Variants in PREX2 observed in about 807,000 individuals in gnomAD.
The protein encoded by PREX2 is phosphatidylinositol 3,4,5-trisphosphate-dependent Rac exchanger 2 protein.
PREX2 carries 107 observed loss-of-function variants against 203.2 expected under a neutral mutation model. The observed-to-expected ratio is 0.53, with a 90% CI of 0.45 to 0.62. The LOEUF (loss-of-function observed/expected upper bound fraction) is 0.62. Among genes scored for constraint, PREX2 ranks in the 20% least tolerant of loss-of-function variants. PREX2 has a pLI of 0.00. For missense variants in PREX2, 1,777 were observed against 1,955.9 expected (o/e 0.91, Z 1.72); for synonymous variants, 672 against 663.6 (o/e 1.01, Z -0.19).
At chr8:68,087,894 G>T in intron 19 of PREX2, 85 bp downstream of exon 19, 1 of 850,544 alleles carries the variant, frequency 1.2e-6, no homozygotes, top group East Asian at 2.4e-5. Flanking sequence ...AAAATAGGCA[G>T]AACCATGCTG....
rs74369002 is a variant in PREX2 at position 68,199,560 on chromosome 8, A to C, written c.4604+7035A>C. Among the ~76,000 whole-genome samples, 2,164 of 152,332 alleles carry C rather than the reference A, an allele frequency of 0.014. 119 individuals are homozygous for C. The East Asian group carries it at 0.19, about 13-fold the overall frequency. ...TTATAAGCCTTTGTTAAAAAAGTGA[A>C]ATTTATAAGGGAAAATATAAAAACA... On this transcript the variant is annotated intron_variant, in intron 37 of 39. Coordinates refer to ENST00000288368, the MANE Select transcript of PREX2 (RefSeq NM_024870.4).
chr8:68,030,039 G>A (rs1807836335), intron 5 of PREX2, among the ~76,000 whole-genome samples: 1 of 151,914 alleles, frequency 6.6e-6, no homozygotes, highest in African/African-American at 2.4e-5. Context: ...CTTTGTTTAT[G>A]ACATAGTTTT....
At chr8:68,048,577 T>A (rs1423429527) in intron 8 of PREX2, among the ~76,000 whole-genome samples, 1 of 151,846 alleles carries the variant, frequency 6.6e-6, no homozygotes, top group East Asian at 1.9e-4. Flanking sequence ...ATATGTTGAA[T>A]ACATTTTTTT....
intron 35 of PREX2, among the ~76,000 whole-genome samples, chr8:68,179,134 G>A (rs1812037151): frequency 6.6e-6 from 1 of 152,006 alleles, no homozygotes; most frequent in Admixed American, 6.6e-5. Context: ...TCTCTCCTCT[G>A]GTGAATAAGA....
intron 6 of PREX2, among the ~76,000 whole-genome samples, chr8:68,034,424 A>C (rs539473547): frequency 3.3e-5 from 5 of 152,138 alleles, no homozygotes; most frequent in Non-Finnish European, 5.9e-5. Context: ...AGCTATACTG[A>C]AGTATTTTGA....
At chr8:68,200,050 G>A (rs1281255701) in intron 37 of PREX2, among the ~76,000 whole-genome samples, 1 of 152,090 alleles carries the variant, frequency 6.6e-6, no homozygotes, top group African/African-American at 2.4e-5. Context: ...GCTTTCAAAT[G>A]TATTTATTTA....
intron 35 of PREX2, among the ~76,000 whole-genome samples, chr8:68,188,442 G>C (rs1812232773): frequency 6.6e-6 from 1 of 152,192 alleles, no homozygotes; most frequent in Admixed American, 6.5e-5. Context: ...ATTTTCCCCA[G>C]AAGATTTAAT....
intron 23 of PREX2, chr8:68,100,195 C>T (rs1410638448): frequency 8.6e-6 from 4 of 463,220 alleles, no homozygotes; most frequent in Non-Finnish European, 1.7e-5. Context: ...TCTTTTCTCC[C>T]AACTAAGAGA....
chr8:68,000,924 C>A (rs150111996), intron 1 of PREX2, among the ~76,000 whole-genome samples: 491 of 152,308 alleles, frequency 3.2e-3, no homozygotes, highest in Middle Eastern at 0.014. Flanking sequence ...TAGATCCCTT[C>A]CTTACACCAT....
intron 35 of PREX2, among the ~76,000 whole-genome samples, chr8:68,185,152 T>G (rs561214135): frequency 1.8e-4 from 27 of 152,320 alleles, no homozygotes; most frequent in African/African-American, 6.3e-4. Flanking sequence ...TCAATTTTCA[T>G]ATTTGATGAG....
chr8:68,071,442 C>T (rs1220221123), intron 13 of PREX2, among the ~76,000 whole-genome samples: 1 of 152,136 alleles, frequency 6.6e-6, no homozygotes, highest in Non-Finnish European at 1.5e-5. Context: ...GTGTCAGAAA[C>T]ATGGAGATAG....
At chr8:67,967,262 G>T (rs1437713374) in intron 1 of PREX2, among the ~76,000 whole-genome samples, 1 of 152,116 alleles carries the variant, frequency 6.6e-6, no homozygotes, top group Non-Finnish European at 1.5e-5. Context: ...AAAGTTAATA[G>T]AACAGATTAG....
In PREX2 at chr8:68,233,615, C is replaced by G. The variant is rs930870827; in HGVS notation, c.*2237C>G. On this transcript the variant is annotated 3_prime_UTR_variant, in exon 40 of 40. Transcript: ENST00000288368. ...GCTAACACTTATTAAGGGATTACTA[C>G]ATGCCCAGTAATACCTCCAAATGCT... 2 of 152,204 alleles carry G rather than the reference C, an allele frequency of 1.3e-5. No individual in the cohort carries two copies. The highest frequency in any genetic ancestry group is 4.8e-5 in the African/African-American group (2 of 41,456). The allele number at this position is 152,204 out of a possible 1,614,324, so 9.4% of individuals were successfully genotyped here. A position where few individuals can be genotyped will look rare whatever the true frequency, so the allele number is the denominator to read the frequency against.
intron 35 of PREX2, among the ~76,000 whole-genome samples, chr8:68,171,811 CAA>C (rs1304621690): frequency 6.6e-6 from 1 of 151,882 alleles, no homozygotes; most frequent in African/African-American, 2.4e-5. Flanking sequence ...AGAGCAAGAA[CAA>C]GAGAGAGAGA....
intron 20 of PREX2, among the ~76,000 whole-genome samples, chr8:68,092,139 G>C (rs12549798): frequency 6.6e-6 from 1 of 151,794 alleles, no homozygotes; most frequent in South Asian, 2.1e-4. Context: ...CTCTAACGGG[G>C]TTTTCTTTTC....
chr8:68,214,742 C>A (rs1268206820), intron 37 of PREX2, among the ~76,000 whole-genome samples: 1 of 152,152 alleles, frequency 6.6e-6, no homozygotes, highest in African/African-American at 2.4e-5. Flanking sequence ...TCCTGAGAGG[C>A]TTTCTTTCGC....
At chr8:68,188,135 C>G (rs1459864687) in intron 35 of PREX2, among the ~76,000 whole-genome samples, 5 of 152,124 alleles carry the variant, frequency 3.3e-5, no homozygotes, top group South Asian at 4.2e-4. Context: ...CCCTGAACTA[C>G]TGAACCAAAC....
intron 1 of PREX2, among the ~76,000 whole-genome samples, chr8:67,963,733 C>T (rs56386611): frequency 0.24 from 35,808 of 151,542 alleles, 4,973 homozygotes; most frequent in East Asian, 0.54. Context: ...TGTGTTTATT[C>T]GTAAGGATAT....
chr8:67,976,635 G>GGAGAGAGACAGA (rs1358267506), intron 1 of PREX2, among the ~76,000 whole-genome samples: 1,625 of 99,442 alleles, frequency 0.016, 259 homozygotes, highest in African/African-American at 0.062. Context: ...GAGAGAGACG[G>GGAGAGAGACAGA]GAGAGAGACA....
Sources: gnomAD v4.1 joint callset for allele counts (sites outside exome capture counted in the v4.1 genomes callset) on GRCh38, gnomAD v4.1.1 for gene constraint, MANE v1.5 for transcripts, NCBI Gene and HGNC (gene_info 2026-07-23, HGNC 2026-07-21) for gene names.